Variants in DCLK1 observed in about 807,000 individuals in gnomAD.
DCLK1 encodes the protein doublecortin like kinase 1, also known as serine/threonine-protein kinase DCLK1.
A neutral mutation model predicts 86.2 loss-of-function variants in DCLK1; 16 were observed. That is an observed-to-expected ratio of 0.19 (90% CI 0.13 to 0.28). The LOEUF (loss-of-function observed/expected upper bound fraction) is 0.28. DCLK1 is among the 10% of genes least tolerant of loss of function. DCLK1 has a pLI of 1.00. For missense variants in DCLK1, 590 were observed against 940.2 expected, an observed-to-expected ratio of 0.63 and a Z score of 4.87; for synonymous variants, 369 against 370.5, an observed-to-expected ratio of 1.00 and a Z score of 0.05.
At chr13:35,837,646 G>T (rs1869481928) in intron 7 of DCLK1, among the ~76,000 whole-genome samples, 1 of 152,158 alleles carries the variant, frequency 6.6e-6, no homozygotes, top group African/African-American at 2.4e-5. Context: ...GTGGGAAATG[G>T]AAGAAGGTAC....
intron 3 of DCLK1, among the ~76,000 whole-genome samples, chr13:36,073,121 T>A (rs1884039606): frequency 6.6e-6 from 1 of 152,210 alleles, no homozygotes; most frequent in East Asian, 1.9e-4. Context: ...AATTCACTCA[T>A]TTTAATCGTA....
intron 4 of DCLK1, among the ~76,000 whole-genome samples, chr13:35,909,785 A>T (rs1168326456): frequency 1.3e-5 from 2 of 152,062 alleles, no homozygotes; most frequent in Non-Finnish European, 2.9e-5. Flanking sequence ...AACGAGAGCT[A>T]ATCCTTTTTA....
chr13:36,068,760 A>G (rs1219644828), intron 3 of DCLK1, among the ~76,000 whole-genome samples: 1 of 152,124 alleles, frequency 6.6e-6, no homozygotes, highest in Non-Finnish European at 1.5e-5. Context: ...GCAGGGGGAA[A>G]ATCCATAATT....
At chr13:35,956,146 A>G (rs1182678722) in intron 3 of DCLK1, among the ~76,000 whole-genome samples, 1 of 152,172 alleles carries the variant, frequency 6.6e-6, no homozygotes, top group African/African-American at 2.4e-5. Context: ...AAACTGTGAC[A>G]CAGTAGTTTC....
intron 13 of DCLK1, among the ~76,000 whole-genome samples, chr13:35,808,615 C>T (rs759105427): frequency 6.6e-5 from 10 of 152,036 alleles, no homozygotes; most frequent in Non-Finnish European, 1.5e-4. Flanking sequence ...AAACCCCCAT[C>T]TCTACTAAAA....
chr13:36,004,606 T>C (rs1880865494), intron 3 of DCLK1, among the ~76,000 whole-genome samples: 1 of 152,234 alleles, frequency 6.6e-6, no homozygotes, highest in Non-Finnish European at 1.5e-5. Context: ...GTTTTGTTTC[T>C]TTTTTGATAC....
At chr13:36,016,618 A>G (rs1881546991) in intron 3 of DCLK1, among the ~76,000 whole-genome samples, 1 of 152,216 alleles carries the variant, frequency 6.6e-6, no homozygotes, top group Non-Finnish European at 1.5e-5. Context: ...CAATAAGGAC[A>G]TGACCCCATG....
intron 4 of DCLK1, among the ~76,000 whole-genome samples, chr13:35,920,480 TG>T (rs1241329915): frequency 6.6e-6 from 1 of 152,114 alleles, no homozygotes; most frequent in Non-Finnish European, 1.5e-5. Context: ...CTAGGGCAGT[TG>T]GTAAGTGTAT....
intron 8 of DCLK1, among the ~76,000 whole-genome samples, chr13:35,828,948 G>A (rs1395333735): frequency 3.9e-5 from 6 of 152,108 alleles, no homozygotes; most frequent in Non-Finnish European, 5.9e-5. Flanking sequence ...TGTGAGTTCC[G>A]CTGGAGAACT....
chr13:36,004,857 C>T (rs1325034956), intron 3 of DCLK1, among the ~76,000 whole-genome samples: 2 of 152,162 alleles, frequency 1.3e-5, no homozygotes, highest in Admixed American at 6.5e-5. Context: ...GGATTACAGG[C>T]GTGAGCCACC....
chr13:35,849,187 A>T, intron 6 of DCLK1: 1 of 985,208 alleles, frequency 1.0e-6, no homozygotes, highest in Middle Eastern at 5.2e-4. Context: ...GGAATATTTT[A>T]TTCACTTGTA....
At chr13:35,855,389 T>G (rs949557214) in intron 5 of DCLK1, 36 of 902,510 alleles carry the variant, frequency 4.0e-5, no homozygotes, top group Non-Finnish European at 5.8e-5. Context: ...CTATTTTACC[T>G]GTAAAAATGG....
At chr13:35,830,106 G>C (rs1175162962) in intron 8 of DCLK1, among the ~76,000 whole-genome samples, 1 of 152,144 alleles carries the variant, frequency 6.6e-6, no homozygotes, top group Non-Finnish European at 1.5e-5. Context: ...TAAAACGTGG[G>C]TTGGGGCAGT....
chr13:35,804,542 C>T (rs183136387), intron 15 of DCLK1, among the ~76,000 whole-genome samples: 43 of 151,694 alleles, frequency 2.8e-4, no homozygotes, highest in Admixed American at 1.1e-3. Context: ...AAGTTATTCT[C>T]GTGCCTCAGC....
intron 4 of DCLK1, among the ~76,000 whole-genome samples, chr13:35,932,727 G>T (rs900334625): frequency 6.6e-6 from 1 of 152,178 alleles, no homozygotes; most frequent in African/African-American, 2.4e-5. Context: ...CAACCAGCAG[G>T]TCCCTCCCAC....
At chr13:35,883,204 C>T (rs888463387) in intron 4 of DCLK1, among the ~76,000 whole-genome samples, 2 of 152,182 alleles carry the variant, frequency 1.3e-5, no homozygotes, top group African/African-American at 4.8e-5. Flanking sequence ...GATATTTGAC[C>T]TCCAAACCTC....
At chr13:36,073,831 G>A (rs1310899151) in intron 3 of DCLK1, among the ~76,000 whole-genome samples, 1 of 152,128 alleles carries the variant, frequency 6.6e-6, no homozygotes, top group Non-Finnish European at 1.5e-5. Flanking sequence ...CCACAAAACA[G>A]ACATGTGGAC....
intron 3 of DCLK1, among the ~76,000 whole-genome samples, chr13:36,103,064 G>T (rs1885270963): frequency 6.6e-6 from 1 of 152,178 alleles, no homozygotes; most frequent in South Asian, 2.1e-4. Context: ...GATCTGTGGG[G>T]TTTTGTTGTT....
At position 35,918,444 on chromosome 13, in the gene DCLK1, C is replaced by G. The variant is rs555305719; in HGVS notation, c.823+28914G>C. 6.6e-5 allele frequency among the ~76,000 whole-genome samples: 10 copies of G among 152,232 alleles called. No individual in the cohort carries two copies. In the South Asian group the frequency reaches 2.1e-3, roughly 32 times the overall value. On this transcript the variant is annotated intron_variant, in intron 4 of 16. Transcript: ENST00000360631. ...TGGAGAGTGTTCCAAACATTAATCA[C>G]TAAAAGTTAACTGATTCCAATGTCA...
Sources: gnomAD v4.1 joint callset for allele counts (sites outside exome capture counted in the v4.1 genomes callset) on GRCh38, gnomAD v4.1.1 for gene constraint, MANE v1.5 for transcripts, NCBI Gene and HGNC (gene_info 2026-07-23, HGNC 2026-07-21) for gene names.